The following SGCD variants were observed in gnomAD, a reference collection of about 807,000 sequenced individuals.
SGCD encodes the protein sarcoglycan delta.
A neutral mutation model predicts 36.6 loss-of-function variants in SGCD; 18 were observed. That is an observed-to-expected ratio of 0.49 (90% CI 0.34 to 0.73). The LOEUF is 0.73. SGCD is among the 30% of genes least tolerant of loss of function. The probability of loss-of-function intolerance (pLI) is 0.01; values close to 1 mark genes in which losing one functional copy is unlikely to be tolerated. For missense variants in SGCD, 387 were observed against 346.7 expected, an observed-to-expected ratio of 1.12 and a Z score of -0.92; for synonymous variants, 133 against 130.6, an observed-to-expected ratio of 1.02 and a Z score of -0.12.
intron 1 of SGCD, among the ~76,000 whole-genome samples, chr5:156,045,221 A>G (rs554806076): frequency 8.5e-4 from 130 of 152,264 alleles, no homozygotes; most frequent in Non-Finnish European, 1.4e-3. Flanking sequence ...TCTTAATACC[A>G]TCACAACAGC....
At chr5:156,261,630 A>G (rs1453832489) in intron 3 of SGCD, among the ~76,000 whole-genome samples, 1 of 152,216 alleles carries the variant, frequency 6.6e-6, no homozygotes, top group Admixed American at 6.6e-5. Flanking sequence ...CTATTTATAT[A>G]TAAAAAAGTT....
intron 3 of SGCD, among the ~76,000 whole-genome samples, chr5:156,221,733 T>C (rs1764721125): frequency 6.6e-6 from 1 of 152,102 alleles, no homozygotes; most frequent in Non-Finnish European, 1.5e-5. Flanking sequence ...AAGCTGATGA[T>C]AATAGCAGTG....
chr5:156,189,069 G>A (rs541050083), intron 3 of SGCD, among the ~76,000 whole-genome samples: 2 of 152,236 alleles, frequency 1.3e-5, no homozygotes, highest in South Asian at 2.1e-4. Flanking sequence ...TCTTCAGAGG[G>A]CCAGGGGAAG....
chr5:155,788,153 A>T, the SGCD span, among the ~76,000 whole-genome samples: 1 of 152,178 alleles, frequency 6.6e-6, no homozygotes, highest in Non-Finnish European at 1.5e-5. Context: ...TTTTTCAATT[A>T]ATACACTTAT....
intron 6 of SGCD, among the ~76,000 whole-genome samples, chr5:156,607,958 T>C (rs1186299530): frequency 2.0e-5 from 3 of 152,258 alleles, no homozygotes; most frequent in South Asian, 4.1e-4. Context: ...GTCTTGCTAG[T>C]GGTCTATCAA....
In SGCD at chr5:156,338,567, A is replaced by G. The variant is rs570026680; in HGVS notation, c.4-5922A>G. On this transcript the variant is annotated intron_variant, in intron 2 of 8. Coordinates refer to ENST00000337851, the MANE Select transcript of SGCD (RefSeq NM_000337.6). Reference sequence around the variant, plus strand: ...TAATCAGAGCAGTTTCTCTGTTAAGATATTAAAGATCTGTCGAAAATGGCA... The same window carrying G: ...TAATCAGAGCAGTTTCTCTGTTAAGGTATTAAAGATCTGTCGAAAATGGCA... Among the ~76,000 whole-genome samples the G allele has an allele frequency of 1.6e-4, 24 of 152,322 alleles. No homozygotes were observed. The East Asian group carries it at 4.0e-3, about 26-fold the overall frequency.
At chr5:156,723,850 A>AGT (rs60939391) in intron 7 of SGCD, among the ~76,000 whole-genome samples, 8,398 of 150,058 alleles carry the variant, frequency 0.056, 252 homozygotes, top group African/African-American at 0.08. Context: ...TTTTAAGCCA[A>AGT]GTGTGTGTGT....
chr5:156,577,031 T>C (rs1352245178), intron 4 of SGCD, among the ~76,000 whole-genome samples: 1 of 152,214 alleles, frequency 6.6e-6, no homozygotes, highest in East Asian at 1.9e-4. Context: ...GGTTTTCTTC[T>C]AGGGTTTTTA....
chr5:156,563,039 G>T (rs180841791), intron 4 of SGCD, among the ~76,000 whole-genome samples: 2 of 152,044 alleles, frequency 1.3e-5, no homozygotes, highest in South Asian at 2.1e-4. Context: ...GTGCAAAATC[G>T]CATGATCTCA....
intron 1 of SGCD, among the ~76,000 whole-genome samples, chr5:155,870,969 G>A (rs572391319): frequency 6.6e-6 from 1 of 152,154 alleles, no homozygotes; most frequent in South Asian, 2.1e-4. Flanking sequence ...TCTTTGCAGG[G>A]TCGGAAAGTA....
intron 1 of SGCD, among the ~76,000 whole-genome samples, chr5:155,967,044 T>C (rs1199209469): frequency 1.3e-5 from 2 of 151,976 alleles, no homozygotes; most frequent in African/African-American, 2.4e-5. Context: ...TCCTCCTTTA[T>C]TGTCGTGCAT....
chr5:156,309,481 T>C (rs956044082), intron 3 of SGCD, among the ~76,000 whole-genome samples: 1 of 152,032 alleles, frequency 6.6e-6, no homozygotes, highest in African/African-American at 2.4e-5. Flanking sequence ...TATTATACAT[T>C]TCAGTTTCAG....
At chr5:156,372,823 T>G (rs1426110980) in intron 3 of SGCD, among the ~76,000 whole-genome samples, 1 of 152,038 alleles carries the variant, frequency 6.6e-6, no homozygotes, top group African/African-American at 2.4e-5. Context: ...TGCTAAAATT[T>G]TTTGTTCTAA....
intron 2 of SGCD, among the ~76,000 whole-genome samples, chr5:156,334,612 T>TTC (rs1554094041): frequency 3.4e-5 from 5 of 145,866 alleles, no homozygotes; most frequent in Non-Finnish European, 6.0e-5. Context: ...CTATTTTCTT[T>TTC]TTTTTTTTTT....
rs757001136 is a variant in SGCD, at chr5:156,544,893, A to G, written c.294+36191A>G. 7.3e-4 allele frequency among the ~76,000 whole-genome samples: 111 copies of G among 152,214 alleles called. 1 individual carries two copies. The highest frequency in any genetic ancestry group is 1.3e-3 in the Non-Finnish European group (89 of 68,038). The stretch of plus-strand genomic sequence containing the variant: ...TTATGAGGAAAGGAAACATCGTCTT[A>G]GCAAGATGAATTGACTTGCCTAAGG... On this transcript the variant is annotated intron_variant, in intron 4 of 8. Transcript: ENST00000337851.
intron 1 of SGCD, among the ~76,000 whole-genome samples, chr5:156,037,739 G>A (rs1227643333): frequency 6.6e-6 from 1 of 152,120 alleles, no homozygotes; most frequent in Non-Finnish European, 1.5e-5. Context: ...GCAGACACAG[G>A]TCTTGCACGT....
chr5:156,373,693 A>G (rs531693582), intron 3 of SGCD, among the ~76,000 whole-genome samples: 1 of 152,358 alleles, frequency 6.6e-6, no homozygotes, highest in South Asian at 2.1e-4. Flanking sequence ...GAGAAAATGA[A>G]CGGATAGCAA....
At chr5:156,353,323 G>A (rs909628443) in intron 3 of SGCD, among the ~76,000 whole-genome samples, 9 of 152,204 alleles carry the variant, frequency 5.9e-5, no homozygotes, top group African/African-American at 2.2e-4. Context: ...CTAAAATGAA[G>A]TATTAGTTGA....
chr5:156,143,129 C>G (rs911089550), intron 3 of SGCD, among the ~76,000 whole-genome samples: 1 of 152,260 alleles, frequency 6.6e-6, no homozygotes, highest in African/African-American at 2.4e-5. Flanking sequence ...CCCAGATCCT[C>G]CTACTCCAGC....
Sources: allele counts gnomAD v4.1 joint callset (sites outside exome capture counted in the v4.1 genomes callset), GRCh38; gene constraint gnomAD v4.1.1; transcripts MANE v1.5; gene names NCBI Gene and HGNC (gene_info 2026-07-23, HGNC 2026-07-21).